LTBP1: variants seen among roughly 807,000 people sequenced by gnomAD.
LTBP1 encodes the protein latent transforming growth factor beta binding protein 1, also known as latent-transforming growth factor beta-binding protein 1.
In LTBP1, 129 loss-of-function variants were observed where a neutral mutation model predicts 207.6. That is an observed-to-expected ratio of 0.62 (90% CI 0.54 to 0.72). The LOEUF is 0.72. LTBP1 is among the 30% of genes least tolerant of loss of function. LTBP1 has a pLI of 0.00. For missense variants in LTBP1, 2,281 were observed against 2,217.2 expected (o/e 1.03, Z -0.58); for synonymous variants, 963 against 833.7 (o/e 1.16, Z -2.67).
intron 6 of LTBP1, among the ~76,000 whole-genome samples, chr2:33,188,306 A>C (rs1002013059): frequency 2.7e-5 from 4 of 150,892 alleles, no homozygotes; most frequent in Non-Finnish European, 5.9e-5. Flanking sequence ...CTGTAATCCC[A>C]GGTACTCGGG....
At position 32,992,497 on chromosome 2, in the gene LTBP1, T is replaced by A. The variant is rs546410788; in HGVS notation, c.566-28412T>A. 2.6e-5 allele frequency among the ~76,000 whole-genome samples: 4 copies of A among 152,162 alleles called. No homozygotes were observed. The South Asian group carries it at 6.2e-4, about 24-fold the overall frequency. On this transcript the variant is annotated intron_variant, in intron 2 of 33. Transcript: ENST00000404816. ...AGCATGTAGGATGCTTGCAGAGAAATGAAGGATTAGATGGTAGGTTGATCC... is the reference window on the plus strand; with the variant it reads ...AGCATGTAGGATGCTTGCAGAGAAAAGAAGGATTAGATGGTAGGTTGATCC...
At chr2:33,242,180 T>G (rs1489754867) in intron 9 of LTBP1, among the ~76,000 whole-genome samples, 3 of 152,228 alleles carry the variant, frequency 2.0e-5, no homozygotes. Flanking sequence ...GATGTTCATA[T>G]AATGTTAATA....
At chr2:33,044,468 C>T (rs112576067) in intron 3 of LTBP1, among the ~76,000 whole-genome samples, 14,287 of 152,184 alleles carry the variant, frequency 0.094, 897 homozygotes, top group Non-Finnish European at 0.14. Flanking sequence ...GGCTGCATAG[C>T]ATTCCATGGT....
At chr2:33,168,932 C>A (rs1026990824) in intron 5 of LTBP1, among the ~76,000 whole-genome samples, 3 of 152,160 alleles carry the variant, frequency 2.0e-5, no homozygotes, top group African/African-American at 7.2e-5. Context: ...TAAAAGGGAT[C>A]CGTGCCCTTT....
chr2:33,310,083 G>A (rs768857640), intron 23 of LTBP1, among the ~76,000 whole-genome samples: 18 of 151,888 alleles, frequency 1.2e-4, no homozygotes, highest in Non-Finnish European at 2.4e-4. Context: ...GAGTAGCTGG[G>A]ATTACAGGCG....
At chr2:32,998,238 C>T (rs543815846) in intron 2 of LTBP1, among the ~76,000 whole-genome samples, 1 of 152,236 alleles carries the variant, frequency 6.6e-6, no homozygotes, top group South Asian at 2.1e-4. Context: ...TGGTTGTTGG[C>T]TGAGCACGGT....
intron 7 of LTBP1, among the ~76,000 whole-genome samples, chr2:33,207,012 G>C (rs1477222311): frequency 6.6e-6 from 1 of 152,154 alleles, no homozygotes; most frequent in Non-Finnish European, 1.5e-5. Flanking sequence ...ATATAATCAT[G>C]ATAATACTGT....
intron 24 of LTBP1, among the ~76,000 whole-genome samples, chr2:33,323,879 G>A (rs1212722271): frequency 6.6e-6 from 1 of 152,028 alleles, no homozygotes; most frequent in East Asian, 1.9e-4. Flanking sequence ...ATAACTACTG[G>A]GTGTAGTAGT....
intron 9 of LTBP1, among the ~76,000 whole-genome samples, chr2:33,238,437 T>G (rs1164646187): frequency 6.6e-6 from 1 of 152,236 alleles, no homozygotes; most frequent in African/African-American, 2.4e-5. Flanking sequence ...GTTCGTAATA[T>G]ATTATGCACC....
intron 24 of LTBP1, among the ~76,000 whole-genome samples, chr2:33,325,122 C>A (rs1208029224): frequency 6.6e-6 from 1 of 152,138 alleles, no homozygotes; most frequent in African/African-American, 2.4e-5. Flanking sequence ...TCATATGACT[C>A]TTTTCCATTC....
intron 7 of LTBP1, among the ~76,000 whole-genome samples, chr2:33,211,592 T>C (rs1000484868): frequency 6.6e-6 from 1 of 152,190 alleles, no homozygotes; most frequent in Admixed American, 6.5e-5. Context: ...AGTCCAGCAC[T>C]CTTTTCTTAC....
Position 33,309,549 on chromosome 2 carries a change from A to C in LTBP1, c.3597A>C (p.Thr1199=), listed in dbSNP as rs746720222. 1.9e-6 allele frequency: 3 copies of C among 1,604,786 alleles called. No homozygotes were observed. The highest frequency in any genetic ancestry group is 3.5e-5 in the Admixed American group (2 of 57,888). ...GATTTCAGCTAGATGACAATAAAAC[A>C]TGTCAAGGTATTTCTTGCTCTTTTT... The part of the protein sequence containing the change: ...PDGFQLDDNK[T]CQDINECEHP... Residue 1199 remains threonine (T), a synonymous_variant, in exon 23 of 34, where the codon ACA becomes ACC. Coordinates refer to ENST00000404816, the MANE Select transcript of LTBP1 (RefSeq NM_206943.4).
chr2:33,348,058 A>G (rs1485671943), intron 26 of LTBP1, among the ~76,000 whole-genome samples: 6 of 152,222 alleles, frequency 3.9e-5, no homozygotes, highest in Non-Finnish European at 8.8e-5. Context: ...GCAAACTGAA[A>G]TAGAGAGTTG....
intron 15 of LTBP1, among the ~76,000 whole-genome samples, chr2:33,269,601 G>C (rs988746157): frequency 3.9e-5 from 6 of 152,184 alleles, no homozygotes; most frequent in African/African-American, 1.4e-4. Context: ...GTCTATGTGA[G>C]GCTTGACTCT....
intron 24 of LTBP1, among the ~76,000 whole-genome samples, chr2:33,325,442 C>T (rs989901308): frequency 5.3e-5 from 8 of 152,140 alleles, no homozygotes; most frequent in Non-Finnish European, 1.2e-4. Context: ...TCTCCCAGTC[C>T]TCACTGGCAG....
chr2:33,000,463 G>A (rs1305211446), intron 2 of LTBP1, among the ~76,000 whole-genome samples: 1 of 134,936 alleles, frequency 7.4e-6, no homozygotes, highest in Non-Finnish European at 1.6e-5. Context: ...GTTGCCAGGT[G>A]GAGGTGGAAG....
chr2:33,304,648 G>T (rs1278419924), intron 22 of LTBP1, among the ~76,000 whole-genome samples: 1 of 152,182 alleles, frequency 6.6e-6, no homozygotes, highest in African/African-American at 2.4e-5. Flanking sequence ...GGCTCTGCCT[G>T]TGACTTGTTC....
intron 8 of LTBP1, among the ~76,000 whole-genome samples, chr2:33,217,860 A>G (rs1000435986): frequency 3.3e-5 from 5 of 152,210 alleles, no homozygotes; most frequent in Non-Finnish European, 7.3e-5. Context: ...ACAGTTATTA[A>G]TTATCCTCTT....
In LTBP1 at chr2:33,263,680, G is replaced by A. The variant is rs185742428; in HGVS notation, c.2617+288G>A. Reference sequence around the variant, plus strand: ...AATAAATACAGAATACAGGCTGGGTGCGGTGGCTCATGCCTATAATCCCAG... The same window carrying A: ...AATAAATACAGAATACAGGCTGGGTACGGTGGCTCATGCCTATAATCCCAG... On this transcript the variant is annotated intron_variant, in intron 15 of 33. Coordinates refer to ENST00000404816, the MANE Select transcript of LTBP1 (RefSeq NM_206943.4). Among the ~76,000 whole-genome samples the A allele has an allele frequency of 5.5e-3, 836 of 152,304 alleles. 6 individuals carry two copies. Among genetic ancestry groups the A allele is most frequent in the South Asian group, 0.013 (63 of 4,818 alleles).
Sources: gnomAD v4.1 joint callset for allele counts (sites outside exome capture counted in the v4.1 genomes callset) on GRCh38, gnomAD v4.1.1 for gene constraint, MANE v1.5 for transcripts, NCBI Gene and HGNC (gene_info 2026-07-23, HGNC 2026-07-21) for gene names.